EPB41L1: variants seen among roughly 807,000 people sequenced by gnomAD.
EPB41L1 encodes the protein erythrocyte membrane protein band 4.1 like 1, also known as band 4.1-like protein 1.
A neutral mutation model predicts 97.8 loss-of-function variants in EPB41L1; 29 were observed. The observed-to-expected ratio is 0.30, with a 90% CI of 0.22 to 0.40. The LOEUF (loss-of-function observed/expected upper bound fraction) is 0.40, where lower values mean the gene tolerates loss of function less well. EPB41L1 is among the 10% of genes least tolerant of loss of function. The pLI, the probability that EPB41L1 is intolerant of heterozygous loss-of-function variation, is 1.00. For missense variants in EPB41L1, 812 were observed against 1,162.3 expected (o/e 0.70, Z 4.38); for synonymous variants, 383 against 459.2 (o/e 0.83, Z 2.12).
chr20:36,164,531 C>T (rs1258590291), intron 1 of EPB41L1, among the ~76,000 whole-genome samples: 2 of 152,080 alleles, frequency 1.3e-5, no homozygotes, highest in African/African-American at 4.8e-5. Flanking sequence ...AAGAGACAAC[C>T]TTGCTTGCAT....
intron 1 of EPB41L1, among the ~76,000 whole-genome samples, chr20:36,106,708 AAGG>A (rs1420492055): frequency 6.6e-6 from 1 of 152,250 alleles, no homozygotes; most frequent in East Asian, 1.9e-4. Context: ...GGCTAGGGCC[AAGG>A]AGGTCATCAG....
intron 3 of EPB41L1, among the ~76,000 whole-genome samples, chr20:36,176,629 T>TC (rs1432878072): frequency 3.3e-5 from 5 of 150,756 alleles, no homozygotes; most frequent in Non-Finnish European, 7.4e-5. Flanking sequence ...TTCTTTTTTT[T>TC]CTTTTTTTTT....
intron 1 of EPB41L1, among the ~76,000 whole-genome samples, chr20:36,172,188 C>T (rs2061021180): frequency 1.3e-5 from 2 of 152,156 alleles, no homozygotes; most frequent in East Asian, 1.9e-4. Flanking sequence ...AAGCGATTCT[C>T]CTGCTTCAGC....
At chr20:36,204,642 G>A (rs1053645369) in intron 14 of EPB41L1, among the ~76,000 whole-genome samples, 3 of 151,370 alleles carry the variant, frequency 2.0e-5, no homozygotes, top group South Asian at 2.1e-4. Flanking sequence ...GAGCCACCGC[G>A]CCTGGCCTTT....
At chr20:36,134,250 G>T (rs1316565890) in intron 2 of EPB41L1, among the ~76,000 whole-genome samples, 2 of 152,198 alleles carry the variant, frequency 1.3e-5, no homozygotes, top group African/African-American at 4.8e-5. Context: ...GACACAACAA[G>T]AAATAGCGAT....
intron 15 of EPB41L1, among the ~76,000 whole-genome samples, chr20:36,211,049 G>A (rs1383318863): frequency 3.9e-5 from 6 of 152,032 alleles, no homozygotes; most frequent in African/African-American, 1.5e-4. Flanking sequence ...CTCCAGCCCG[G>A]GCGACAGAGT....
chr20:36,158,881 C>T (rs6121170), intron 1 of EPB41L1, among the ~76,000 whole-genome samples: 3,372 of 152,296 alleles, frequency 0.022, 97 homozygotes, highest in East Asian at 0.13. Context: ...TTCGACTTGA[C>T]GTGAGCCGGG....
intron 1 of EPB41L1, chr20:36,109,641 T>A (rs568371517): frequency 6.6e-6 from 1 of 152,228 alleles, no homozygotes; most frequent in Non-Finnish European, 1.5e-5. Context: ...GGCTGCTTTG[T>A]ATGATACCTC....
chr20:36,214,224 G>C, intron 16 of EPB41L1, 133 bp from the exon 17 acceptor site: 1 of 679,640 alleles, frequency 1.5e-6, no homozygotes. Flanking sequence ...GATTTGGTCT[G>C]TGTGCAGCCC....
At chr20:36,135,315 T>C (rs1297566013) in intron 2 of EPB41L1, among the ~76,000 whole-genome samples, 2 of 152,180 alleles carry the variant, frequency 1.3e-5, no homozygotes, top group Admixed American at 6.5e-5. Flanking sequence ...TTCCTTCAGA[T>C]CACACAATCA....
intron 2 of EPB41L1, among the ~76,000 whole-genome samples, chr20:36,144,729 C>T (rs185212305): frequency 8.2e-4 from 125 of 152,196 alleles, no homozygotes; most frequent in African/African-American, 2.9e-3. Context: ...GATGCTGTCT[C>T]ATTGTATATG....
chr20:36,208,576 T>C (rs1215184936), intron 14 of EPB41L1, among the ~76,000 whole-genome samples: 2 of 152,238 alleles, frequency 1.3e-5, no homozygotes, highest in African/African-American at 4.8e-5. Context: ...ACTGGCTAAA[T>C]GGAGGCTCGC....
intron 2 of EPB41L1, among the ~76,000 whole-genome samples, chr20:36,126,921 C>A (rs1019391190): frequency 6.6e-6 from 1 of 152,236 alleles, no homozygotes; most frequent in Non-Finnish European, 1.5e-5. Flanking sequence ...GGCCCAGGCA[C>A]CTCACTGGCA....
chr20:36,093,842 G>A lies in EPB41L1; in HGVS notation c.-65+2230G>A, dbSNP rs906984562. ...TGTGGCCAGGGGACATGTCCCCTCCGGCCTCCCCCCAGCCCCCCACCAGAC... is the reference window on the plus strand; with the variant it reads ...TGTGGCCAGGGGACATGTCCCCTCCAGCCTCCCCCCAGCCCCCCACCAGAC... On this transcript the variant is annotated intron_variant, in intron 1 of 19. Transcript: ENST00000202028. This position sits in a 1 kb window ranked among gnomAD's most constrained non-coding sequence, Gnocchi z 5.4. Among the ~76,000 whole-genome samples the A allele has an allele frequency of 6.6e-6, 1 of 151,998 alleles. No homozygotes were observed. The highest frequency in any genetic ancestry group is 2.4e-5 in the African/African-American group (1 of 41,370).
At chr20:36,189,170 C>G (rs1437877876) in intron 9 of EPB41L1, among the ~76,000 whole-genome samples, 2 of 152,138 alleles carry the variant, frequency 1.3e-5, no homozygotes, top group African/African-American at 4.8e-5. Context: ...CTCTTCCTCT[C>G]CATCACACCC....
chr20:36,127,233 C>A (rs962256872), intron 2 of EPB41L1, among the ~76,000 whole-genome samples: 2 of 152,134 alleles, frequency 1.3e-5, no homozygotes, highest in Non-Finnish European at 1.5e-5. Context: ...AGAGGAGAGC[C>A]CTGTCTGGGT....
At chr20:36,149,243 GC>G (rs1412745082) in intron 2 of EPB41L1, among the ~76,000 whole-genome samples, 1 of 152,156 alleles carries the variant, frequency 6.6e-6, no homozygotes, top group East Asian at 1.9e-4. Context: ...CCCCATCCCT[GC>G]CCCAGCCCCT....
chr20:36,189,955 T>C (rs1383737408), intron 9 of EPB41L1, among the ~76,000 whole-genome samples: 2 of 151,866 alleles, frequency 1.3e-5, no homozygotes, highest in Admixed American at 6.6e-5. Flanking sequence ...GAGGCTGAGG[T>C]GGGAGGACTG....
At chr20:36,096,708 A>G (rs941162742) in intron 1 of EPB41L1, among the ~76,000 whole-genome samples, 3 of 152,208 alleles carry the variant, frequency 2.0e-5, no homozygotes, top group Non-Finnish European at 2.9e-5. Flanking sequence ...AGGGCTTGTG[A>G]GAATTTGTAA....
Sources: allele counts gnomAD v4.1 joint callset (sites outside exome capture counted in the v4.1 genomes callset), GRCh38; gene constraint gnomAD v4.1.1; non-coding constraint Gnocchi (gnomAD v3.1); transcripts MANE v1.5; gene names NCBI Gene and HGNC (gene_info 2026-07-23, HGNC 2026-07-21).